C22orf31: variants seen among roughly 807,000 people sequenced by gnomAD.
The protein encoded by C22orf31 is chromosome 22 open reading frame 31, also known as uncharacterized protein C22orf31.
A neutral mutation model predicts 15.0 loss-of-function variants in C22orf31; 11 were observed. The ratio of observed to expected loss-of-function variants is 0.73; its 90% confidence interval spans 0.46 to 1.21. The LOEUF is 1.21. C22orf31 is among the 50% of genes most tolerant of loss of function. The pLI is 0.00. For synonymous variants in C22orf31, 132 were observed against 133.3 expected (o/e 0.99, Z 0.07); for missense variants, 340 against 347.2 (o/e 0.98, Z 0.17).
upstream of C22orf31, among the ~76,000 whole-genome samples, chr22:29,065,867 T>C (rs944191123): frequency 1.3e-5 from 2 of 152,194 alleles, no homozygotes; most frequent in African/African-American, 4.8e-5. Flanking sequence ...TTAGTTTGAT[T>C]CTCCCATGAA....
In C22orf31 at chr22:29,061,810, T is replaced by C; in HGVS notation, c.-18A>G. ...CTTACCATATTTCAGTTGCCTTAAA[T>C]TTTATTTTCGCTAGCTTAGTAAGGG... On this transcript the variant is annotated 5_prime_UTR_variant, in exon 1 of 3. Transcript: ENST00000216071. 1 of 1,539,598 alleles carries C rather than the reference T, an allele frequency of 6.5e-7. No individual in the cohort carries two copies. Among genetic ancestry groups the C allele is most frequent in the Non-Finnish European group, 8.9e-7 (1 of 1,124,200 alleles).
At position 29,061,286 on chromosome 22, in the gene C22orf31, G is replaced by T. The variant is rs116031970; in HGVS notation, c.4-443C>A. ...ACTTTCTTTTTTTGTGTGTGGGGGG[G>T]ACGGAGTTTAGCTCTTGTTGCCCAG... is the stretch of plus-strand genomic sequence containing the variant. On this transcript the variant is annotated intron_variant, in intron 1 of 2. Coordinates refer to ENST00000216071, the MANE Select transcript of C22orf31 (RefSeq NM_015370.2). 7.2e-5 allele frequency among the ~76,000 whole-genome samples: 11 copies of T among 152,216 alleles called. 2 individuals carry two copies. Among genetic ancestry groups the T allele is most frequent in the Admixed American group, 3.9e-4 (6 of 15,268 alleles).
At chr22:29,061,074 T>C (rs1442557132) in intron 1 of C22orf31, among the ~76,000 whole-genome samples, 1 of 151,984 alleles carries the variant, frequency 6.6e-6, no homozygotes, top group Non-Finnish European at 1.5e-5. Flanking sequence ...TCAAAGAACA[T>C]AGCATGCCAG....
upstream of C22orf31, among the ~76,000 whole-genome samples, chr22:29,063,955 C>A (rs2037412850): frequency 6.6e-6 from 1 of 152,144 alleles, no homozygotes; most frequent in Non-Finnish European, 1.5e-5. Context: ...GCAACCCCCA[C>A]CTCCCAGGTT....
the C22orf31 span, among the ~76,000 whole-genome samples, chr22:29,071,203 G>T: frequency 6.6e-6 from 1 of 152,164 alleles, no homozygotes; most frequent in African/African-American, 2.4e-5. Context: ...TGGGTGAGGG[G>T]ATGGTGGGTG....
At chr22:29,062,823 C>T (rs1273951995), upstream of C22orf31, among the ~76,000 whole-genome samples, 2 of 152,058 alleles carry the variant, frequency 1.3e-5, no homozygotes, top group African/African-American at 4.8e-5. Context: ...CTTTCAGTGG[C>T]GAGCCCTGGC....
Position 29,060,713 on chromosome 22 carries a change from G to A in C22orf31, c.134C>T (p.Thr45Ile). Residue 45 changes from threonine (T) to isoleucine (I), a missense_variant, in exon 2 of 3, where the codon ACA (threonine) becomes ATA (isoleucine). Physicochemically the swap from Thr to Ile is moderately conservative, Grantham distance 89. Transcript: ENST00000216071. ...GGCATTAATGTTCTGCTTTGCACATGTTCTGGCCATCCAGATGTTGGTGAG... is the reference window on the plus strand; with the variant it reads ...GGCATTAATGTTCTGCTTTGCACATATTCTGGCCATCCAGATGTTGGTGAG... ...PALTNIWMAR[T>I]CAKQNINAPA... 1.2e-6 allele frequency: 2 copies of A among 1,614,142 alleles called. No homozygotes were observed. The highest frequency in any genetic ancestry group is 1.3e-5 in the African/African-American group (1 of 75,040).
chr22:29,072,967 C>CA, the C22orf31 span: 1 of 150,888 alleles, frequency 6.6e-6, no homozygotes, highest in Non-Finnish European at 1.5e-5. Context: ...CCCCAGGCTG[C>CA]AGGGGCGGTG....
the C22orf31 span, among the ~76,000 whole-genome samples, chr22:29,069,105 G>T: frequency 5.9e-5 from 9 of 152,220 alleles, 1 homozygote; most frequent in African/African-American, 2.2e-4. Context: ...CCACTGCCTG[G>T]GTTCAAAGCC....
upstream of C22orf31, among the ~76,000 whole-genome samples, chr22:29,064,675 A>ATTTTTTTTTTTTTTTT (rs563569423): frequency 1.9e-5 from 1 of 51,326 alleles, no homozygotes; most frequent in Non-Finnish European, 3.6e-5. Context: ...TTGCCCAGTG[A>ATTTTTTTTTTTTTTTT]TTTTTTTTTT....
chr22:29,069,984 C>T, the C22orf31 span, among the ~76,000 whole-genome samples: 9 of 135,810 alleles, frequency 6.6e-5, no homozygotes, highest in Middle Eastern at 9.3e-3. Flanking sequence ...CTTGCTCTGT[C>T]ACTCAGGCTG....
chr22:29,067,396 T>C, the C22orf31 span, among the ~76,000 whole-genome samples: 1 of 151,534 alleles, frequency 6.6e-6, no homozygotes, highest in Non-Finnish European at 1.5e-5. Context: ...CAGAAACCTA[T>C]TATTTTATTT....
At chr22:29,061,866 C>T (rs915785010), upstream of C22orf31, 26 of 1,178,676 alleles carry the variant, frequency 2.2e-5, no homozygotes, top group African/African-American at 2.2e-4. Context: ...TTTCCTTTTT[C>T]TCTCTCTCTC....
chr22:29,070,915 C>T, the C22orf31 span, among the ~76,000 whole-genome samples: 1 of 152,138 alleles, frequency 6.6e-6, no homozygotes. Flanking sequence ...GTATCCTCAG[C>T]CCTTGGCATG....
the C22orf31 span, among the ~76,000 whole-genome samples, chr22:29,072,664 G>A: frequency 6.6e-6 from 1 of 152,234 alleles, no homozygotes; most frequent in Non-Finnish European, 1.5e-5. Flanking sequence ...CTGTAGCTGA[G>A]CTCGCGCGTG....
At chr22:29,062,726 C>T (rs1394761757), upstream of C22orf31, among the ~76,000 whole-genome samples, 3 of 152,112 alleles carry the variant, frequency 2.0e-5, no homozygotes, top group Non-Finnish European at 4.4e-5. Flanking sequence ...TCAGAGCCTG[C>T]AGGCGGACCG....
At chr22:29,068,133 G>A in the C22orf31 span, among the ~76,000 whole-genome samples, 288 of 150,410 alleles carry the variant, frequency 1.9e-3, 1 homozygote, top group African/African-American at 6.4e-3. Flanking sequence ...CTGGGTTGGA[G>A]GACAATGGCA....
the C22orf31 span, among the ~76,000 whole-genome samples, chr22:29,073,413 C>A: frequency 2.0e-5 from 3 of 151,906 alleles, no homozygotes; most frequent in Admixed American, 6.5e-5. The surrounding 1 kb of genome is among the most constrained non-coding windows in gnomAD (Gnocchi z 4.4). Context: ...CCCCCAGGCC[C>A]GTCATCGACG....
rs1463304611 is a variant in C22orf31, at chr22:29,060,562, C to T, written c.285G>A (p.Lys95=). The T allele has an allele frequency of 6.2e-7, 1 of 1,614,156 alleles. No homozygotes were observed. The highest frequency in any genetic ancestry group is 2.2e-5 in the East Asian group (1 of 44,884). Residue 95 remains lysine, a synonymous_variant, in exon 2 of 3, where the codon AAG becomes AAA. Coordinates refer to ENST00000216071, the MANE Select transcript of C22orf31 (RefSeq NM_015370.2). ...LKNKCCPPPC[K]FGEGKLSKRL... ...TCTTCGAGAGTTTTCCTTCTCCAAA[C>T]TTGCATGGTGGTGGGCAGCACTTAT... is the stretch of plus-strand genomic sequence containing the variant.
Sources: allele counts gnomAD v4.1 joint callset (sites outside exome capture counted in the v4.1 genomes callset), GRCh38; gene constraint gnomAD v4.1.1; non-coding constraint Gnocchi (gnomAD v3.1); transcripts MANE v1.5; gene names NCBI Gene and HGNC (gene_info 2026-07-23, HGNC 2026-07-21).